ATRX: variants seen among roughly 807,000 people sequenced by gnomAD.
ATRX encodes the protein ATRX chromatin remodeler, also known as chromatin remodeler ATRX.
Under a neutral mutation model 172.6 loss-of-function variants are expected in ATRX, and 12 were observed. The observed-to-expected ratio is 0.07, with a 90% CI of 0.04 to 0.11. The LOEUF (loss-of-function observed/expected upper bound fraction) is 0.11. ATRX is among the 10% of genes least tolerant of loss of function. The pLI, the probability that ATRX is intolerant of heterozygous loss-of-function variation, is 1.00. For missense variants in ATRX, 1,368 were observed against 1,767.4 expected (o/e 0.77, Z 4.05); for synonymous variants, 674 against 594.7 (o/e 1.13, Z -1.94).
intron 2 of ATRX, among the ~76,000 whole-genome samples, chrX:77,703,541 G>A (rs2072651890): frequency 8.9e-6 from 1 of 112,482 alleles, no homozygotes; most frequent in Non-Finnish European, 1.9e-5. Context: ...GGAACCGCAG[G>A]CAGGGCCCCA....
At chrX:77,520,972 T>G in intron 33 of ATRX, 56 bp from the exon 34 acceptor site, 1 of 1,082,948 alleles carries the variant, frequency 9.2e-7, no homozygotes, top group Non-Finnish European at 1.3e-6. Context: ...GGAAAAATAA[T>G]TAAGGTATTT....
chrX:77,774,254 G>A (rs1217907143), intron 1 of ATRX, among the ~76,000 whole-genome samples: 4 of 110,592 alleles, frequency 3.6e-5, no homozygotes, highest in Non-Finnish European at 7.6e-5. Flanking sequence ...AGCTGTTCCA[G>A]ATGACAATGA....
intron 2 of ATRX, among the ~76,000 whole-genome samples, chrX:77,701,404 C>T (rs985935151): frequency 7.3e-5 from 8 of 109,036 alleles, no homozygotes; most frequent in South Asian, 4.0e-4. Context: ...CCTAGCTACT[C>T]GGGAGGCTGA....
At chrX:77,738,160 T>C (rs1375019983) in intron 1 of ATRX, among the ~76,000 whole-genome samples, 1 of 108,165 alleles carries the variant, frequency 9.2e-6, no homozygotes, top group Non-Finnish European at 1.9e-5. Context: ...CATAGTGAGA[T>C]CCCATCTCTA....
At chrX:77,738,529 AAT>A (rs2074702884) in intron 1 of ATRX, among the ~76,000 whole-genome samples, 1 of 104,986 alleles carries the variant, frequency 9.5e-6, no homozygotes, top group African/African-American at 3.5e-5. Flanking sequence ...CAAAACTAAC[AAT>A]ATGTTTTTTT....
At chrX:77,741,263 C>T (rs1288120077) in intron 1 of ATRX, among the ~76,000 whole-genome samples, 3 of 108,750 alleles carry the variant, frequency 2.8e-5, no homozygotes, top group Non-Finnish European at 5.7e-5. Context: ...TATTGAAGGC[C>T]TTTGTTCATT....
intron 22 of ATRX, among the ~76,000 whole-genome samples, chrX:77,609,648 G>A (rs2067069178): frequency 9.0e-6 from 1 of 111,331 alleles, no homozygotes; most frequent in African/African-American, 3.3e-5. Context: ...CTCGACTTTT[G>A]TATTTTTTTT....
chrX:77,786,179 A>C lies in ATRX; in HGVS notation c.-178T>G. On this transcript the variant is annotated 5_prime_UTR_variant, in exon 1 of 35. Transcript: ENST00000373344. ...CACCGCCGCAGGAGCCGCGGAAACAAAGCGACACCGCTGCCGCCGCCATTT... is the reference window on the plus strand; with the variant it reads ...CACCGCCGCAGGAGCCGCGGAAACACAGCGACACCGCTGCCGCCGCCATTT... 1 of 493,894 alleles carries C rather than the reference A, an allele frequency of 2.0e-6. No individual in the cohort carries two copies. Among genetic ancestry groups the C allele is most frequent in the Non-Finnish European group, 3.3e-6 (1 of 306,895 alleles). The allele number at this position is 493,894 out of a possible 1,213,427, so 40.7% of individuals were successfully genotyped here.
intron 9 of ATRX, among the ~76,000 whole-genome samples, chrX:77,678,646 C>T (rs925304128): frequency 3.6e-5 from 4 of 111,301 alleles, no homozygotes; most frequent in Admixed American, 2.9e-4. Context: ...GCCACTACAC[C>T]TGGCTAATTT....
rs782391448 is a variant in ATRX, at chrX:77,676,246, G to GTCA, written c.3786_3788dup (p.Asp1264dup). 2 of 1,206,150 alleles carry GTCA rather than the reference G, an allele frequency of 1.7e-6. No homozygotes were observed. The highest frequency in any genetic ancestry group is 1.8e-5 in the South Asian group (1 of 56,834). On this transcript the variant is annotated inframe_insertion, in exon 10 of 35. Coordinates refer to ENST00000373344, the MANE Select transcript of ATRX (RefSeq NM_000489.6). ...CATACCTATTCTCAGGATCATTGTC[G>GTCA]TCATCATCATCATCCACTGTGACAG...
chrX:77,676,356 A>ATG (rs2070865928), intron 9 of ATRX, 58 bp from the exon 10 acceptor site: 2 of 1,106,654 alleles, frequency 1.8e-6, no homozygotes, highest in East Asian at 6.3e-5. Flanking sequence ...AATTAAAACC[A>ATG]TGTAAAATAA....
chrX:77,530,079 G>A (rs782646102), intron 30 of ATRX, among the ~76,000 whole-genome samples: 49 of 111,748 alleles, frequency 4.4e-4, no homozygotes, highest in Non-Finnish European at 7.1e-4. Context: ...CAAAAGAACT[G>A]AAATCATAAC....
intron 1 of ATRX, among the ~76,000 whole-genome samples, chrX:77,778,635 C>T (rs1429857395): frequency 1.9e-5 from 2 of 106,729 alleles, no homozygotes; most frequent in Admixed American, 1.0e-4. Context: ...GCAGGAGAAT[C>T]GCTTGAACCC....
At chrX:77,750,665 G>A (rs1482079112) in intron 1 of ATRX, among the ~76,000 whole-genome samples, 1 of 109,316 alleles carries the variant, frequency 9.1e-6, no homozygotes, top group Non-Finnish European at 1.9e-5. Flanking sequence ...TTGTCCTAAT[G>A]CACTCCCTCC....
At chrX:77,535,482 C>T (rs2063718538) in intron 30 of ATRX, among the ~76,000 whole-genome samples, 1 of 111,803 alleles carries the variant, frequency 8.9e-6, no homozygotes. Flanking sequence ...ATTACATATG[C>T]CACATGCCAC....
chrX:77,689,126 C>T (rs1030248806), intron 6 of ATRX, among the ~76,000 whole-genome samples, 199 bp from the exon 7 acceptor site: 8 of 112,271 alleles, frequency 7.1e-5, no homozygotes, highest in African/African-American at 2.6e-4. Flanking sequence ...TTCCAAGTTA[C>T]AAATCCTAAT....
At chrX:77,676,647 G>A (rs1272708415) in intron 9 of ATRX, among the ~76,000 whole-genome samples, 3 of 111,982 alleles carry the variant, frequency 2.7e-5, no homozygotes, top group Non-Finnish European at 3.8e-5. Context: ...TAATTTTGAC[G>A]TTAACTGGTG....
At chrX:77,663,196 AC>A (rs1400507203) in intron 12 of ATRX, among the ~76,000 whole-genome samples, 185 bp downstream of exon 12, 1 of 110,670 alleles carries the variant, frequency 9.0e-6, no homozygotes, top group Non-Finnish European at 1.9e-5. Context: ...ACAGGTGCAC[AC>A]CACCACACCC....
intron 15 of ATRX, among the ~76,000 whole-genome samples, chrX:77,647,569 G>A (rs1183106725): frequency 1.8e-5 from 2 of 111,521 alleles, no homozygotes; most frequent in Non-Finnish European, 3.8e-5. Context: ...CAAATTTCAC[G>A]ATAAAATTGT....
Sources: allele counts gnomAD v4.1 joint callset (sites outside exome capture counted in the v4.1 genomes callset), GRCh38; gene constraint gnomAD v4.1.1; transcripts MANE v1.5; gene names NCBI Gene and HGNC (gene_info 2026-07-23, HGNC 2026-07-21).